Variants in CSTPP1 observed in about 807,000 individuals in gnomAD.
CSTPP1 encodes the protein UPF0705 protein C11orf49.
the CSTPP1 span, among the ~76,000 whole-genome samples, chr11:46,964,143 A>C: frequency 6.6e-6 from 1 of 151,768 alleles, no homozygotes; most frequent in Non-Finnish European, 1.5e-5. Flanking sequence ...TCTTTCACTA[A>C]CTCCCCATGT....
At chr11:47,067,611 T>C in the CSTPP1 span, among the ~76,000 whole-genome samples, 3 of 152,304 alleles carry the variant, frequency 2.0e-5, no homozygotes, top group Admixed American at 2.0e-4. Flanking sequence ...CCCATGCCCC[T>C]CCACGTGAGG....
the CSTPP1 span, among the ~76,000 whole-genome samples, chr11:46,988,923 G>A: frequency 6.6e-6 from 1 of 152,078 alleles, no homozygotes; most frequent in African/African-American, 2.4e-5. Flanking sequence ...ATCTTTCATA[G>A]ATTATATATT....
At chr11:46,939,060 A>C in the CSTPP1 span, among the ~76,000 whole-genome samples, 1 of 136,426 alleles carries the variant, frequency 7.3e-6, no homozygotes, top group Admixed American at 7.3e-5. Flanking sequence ...TACAGGTGTG[A>C]GTCACTGCAC....
At chr11:46,975,496 G>T in the CSTPP1 span, among the ~76,000 whole-genome samples, 1 of 152,050 alleles carries the variant, frequency 6.6e-6, no homozygotes. Context: ...AATACAGGGG[G>T]TACATTGGTT....
At chr11:47,151,474 G>A in the CSTPP1 span, among the ~76,000 whole-genome samples, 2 of 151,982 alleles carry the variant, frequency 1.3e-5, no homozygotes, top group African/African-American at 4.8e-5. Context: ...GAAAAGAGAG[G>A]TGAAGGCTGG....
At chr11:47,119,916 C>T in the CSTPP1 span, among the ~76,000 whole-genome samples, 3 of 151,924 alleles carry the variant, frequency 2.0e-5, no homozygotes, top group Non-Finnish European at 4.4e-5. Context: ...CGGCCTTATC[C>T]CCATCTTAAT....
At chr11:47,010,594 C>T in the CSTPP1 span, among the ~76,000 whole-genome samples, 1 of 152,122 alleles carries the variant, frequency 6.6e-6, no homozygotes, top group African/African-American at 2.4e-5. Flanking sequence ...TCCAGCAGAG[C>T]CCTTTTTTGC....
At chr11:47,055,330 C>G in the CSTPP1 span, among the ~76,000 whole-genome samples, 1 of 151,176 alleles carries the variant, frequency 6.6e-6, no homozygotes, top group Admixed American at 6.6e-5. Context: ...TTCCTTCCTT[C>G]GTTCCTTCCT....
the CSTPP1 span, chr11:47,052,488 A>C: frequency 5.6e-6 from 9 of 1,613,914 alleles, no homozygotes; most frequent in African/African-American, 1.3e-5. Context: ...GGCCTTCTGG[A>C]GATGCTTCCG....
the CSTPP1 span, chr11:47,004,227 C>T: frequency 6.6e-6 from 1 of 150,814 alleles, no homozygotes; most frequent in Non-Finnish European, 1.5e-5. Context: ...GTCACCCAGG[C>T]TGGAGTTGTA....
chr11:47,140,061 C>G, the CSTPP1 span, among the ~76,000 whole-genome samples: 1 of 152,302 alleles, frequency 6.6e-6, no homozygotes, highest in South Asian at 2.1e-4. Flanking sequence ...CAGACACCAG[C>G]CTCACGGTGG....
chr11:46,943,319 C>T, the CSTPP1 span, among the ~76,000 whole-genome samples: 1 of 152,144 alleles, frequency 6.6e-6, no homozygotes, highest in Non-Finnish European at 1.5e-5. Flanking sequence ...ACAAAGATAC[C>T]AAATAACAAG....
At chr11:47,079,517 T>C in the CSTPP1 span, among the ~76,000 whole-genome samples, 1 of 152,240 alleles carries the variant, frequency 6.6e-6, no homozygotes, top group African/African-American at 2.4e-5. Context: ...TGTTTATGTT[T>C]TTCTGATCAA....
At chr11:47,142,241 CAAA>C in the CSTPP1 span, among the ~76,000 whole-genome samples, 26 of 127,720 alleles carry the variant, frequency 2.0e-4, no homozygotes, top group East Asian at 2.3e-4. Flanking sequence ...GACTCCATCT[CAAA>C]AAAAAAAAAA....
the CSTPP1 span, among the ~76,000 whole-genome samples, chr11:47,014,761 G>A: frequency 7.1e-6 from 1 of 141,630 alleles, no homozygotes; most frequent in Non-Finnish European, 1.5e-5. Context: ...GGAAGGGAGG[G>A]AGGGAAGGAA....
At chr11:47,125,157 A>G in the CSTPP1 span, among the ~76,000 whole-genome samples, 1 of 152,234 alleles carries the variant, frequency 6.6e-6, no homozygotes, top group Non-Finnish European at 1.5e-5. Flanking sequence ...CATAAAAGAC[A>G]AAACAGCAGG....
At chr11:47,029,360 A>T in the CSTPP1 span, among the ~76,000 whole-genome samples, 1 of 152,018 alleles carries the variant, frequency 6.6e-6, no homozygotes, top group Non-Finnish European at 1.5e-5. Flanking sequence ...TAATCCCAGC[A>T]CTTTGGGAGG....
the CSTPP1 span, among the ~76,000 whole-genome samples, chr11:46,989,451 C>G: frequency 1.3e-5 from 2 of 152,092 alleles, no homozygotes; most frequent in African/African-American, 4.8e-5. Context: ...TATGTACTAT[C>G]ATGCTCAGCT....
the CSTPP1 span, among the ~76,000 whole-genome samples, chr11:46,938,921 C>T: frequency 6.6e-6 from 1 of 151,408 alleles, no homozygotes; most frequent in Non-Finnish European, 1.5e-5. Context: ...GGACTACAGG[C>T]ACATGCCACC....
Sources: gnomAD v4.1 joint callset for allele counts (sites outside exome capture counted in the v4.1 genomes callset) on GRCh38, gnomAD v4.1.1 for gene constraint, MANE v1.5 for transcripts, NCBI Gene and HGNC (gene_info 2026-07-23, HGNC 2026-07-21) for gene names.